PRIM2: variants seen among roughly 807,000 people sequenced by gnomAD.
PRIM2 encodes the protein DNA primase subunit 2.
A neutral mutation model predicts 67.3 loss-of-function variants in PRIM2; 39 were observed. The observed-to-expected ratio is 0.58, with a 90% CI of 0.45 to 0.76. The LOEUF is 0.76. PRIM2 is among the 30% of genes least tolerant of loss of function. The pLI is 0.00. For synonymous variants in PRIM2, 143 were observed against 198.7 expected, an observed-to-expected ratio of 0.72 and a Z score of 2.36; for missense variants, 398 against 598.7, an observed-to-expected ratio of 0.66 and a Z score of 3.50.
intron 10 of PRIM2, among the ~76,000 whole-genome samples, chr6:57,594,334 G>T (rs1451527714): frequency 1.3e-5 from 2 of 152,132 alleles, no homozygotes; most frequent in Non-Finnish European, 2.9e-5. Flanking sequence ...AATTTATATG[G>T]AAATGCAAGG....
At chr6:57,312,376 C>A (rs1767406934), upstream of PRIM2, among the ~76,000 whole-genome samples, 4 of 151,932 alleles carry the variant, frequency 2.6e-5, no homozygotes, top group Admixed American at 1.3e-4. Flanking sequence ...GTGGCATGTG[C>A]CTGCAGTCCT....
At chr6:57,447,928 C>A (rs994283745) in intron 7 of PRIM2, among the ~76,000 whole-genome samples, 4 of 151,982 alleles carry the variant, frequency 2.6e-5, no homozygotes, top group African/African-American at 9.7e-5. Context: ...TGGTATTATC[C>A]TAATAGAGAG....
At chr6:57,406,122 C>G (rs1365096001) in intron 7 of PRIM2, among the ~76,000 whole-genome samples, 1 of 152,152 alleles carries the variant, frequency 6.6e-6, no homozygotes, top group African/African-American at 2.4e-5. Context: ...TTGCAAGGCT[C>G]TCTCTTAGAT....
intron 10 of PRIM2, among the ~76,000 whole-genome samples, chr6:57,539,566 T>TTG (rs1175516387): frequency 0.15 from 21,712 of 147,350 alleles, 1,762 homozygotes; most frequent in Non-Finnish European, 0.19. Context: ...ATTATATTCT[T>TTG]TGTGTGTGTG....
In PRIM2 at chr6:57,519,049, G is replaced by A. The variant is rs1319156167; in HGVS notation, c.761+11595G>A. ...CAGTAGGTTCCGTGATGCCCCACAA[G>A]CCACAAAAACCAGCAAGTTTTTATT... On this transcript the variant is annotated intron_variant, in intron 8 of 13. Transcript: ENST00000615550. 2.6e-4 allele frequency among the ~76,000 whole-genome samples: 40 copies of A among 152,290 alleles called. 1 individual carries two copies. The East Asian group carries it at 6.0e-3, about 23-fold the overall frequency.
the PRIM2 span, among the ~76,000 whole-genome samples, chr6:57,240,089 C>CTGGTTTTTTTTT: frequency 1.1e-5 from 1 of 92,074 alleles, no homozygotes; most frequent in Admixed American, 1.5e-4. Flanking sequence ...GATCAATAAT[C>CTGGTTTTTTTTT]TGTTTTTTTT....
intron 13 of PRIM2, among the ~76,000 whole-genome samples, chr6:57,641,931 C>T (rs1333101864): frequency 3.9e-5 from 6 of 152,120 alleles, no homozygotes; most frequent in Non-Finnish European, 8.8e-5. Context: ...CACATGCACA[C>T]GTATGTTTAT....
the PRIM2 span, among the ~76,000 whole-genome samples, chr6:57,249,271 T>C: frequency 6.6e-6 from 1 of 152,236 alleles, no homozygotes; most frequent in Non-Finnish European, 1.5e-5. Context: ...TGAGCAATTT[T>C]TCTTTATTAT....
At position 57,371,683 on chromosome 6, in the gene PRIM2, T is replaced by A. The variant is rs547016309; in HGVS notation, c.460-8218T>A. Among the ~76,000 whole-genome samples, 5 of 152,360 alleles carry A rather than the reference T, an allele frequency of 3.3e-5. No individual in the cohort carries two copies. In the East Asian group the frequency reaches 7.7e-4, roughly 23 times the overall value. On this transcript the variant is annotated intron_variant, in intron 5 of 13. Coordinates refer to ENST00000615550, the MANE Select transcript of PRIM2 (RefSeq NM_000947.5). ...ACTGGGAAAATTTGAAATATATTTT[T>A]ATATTTAGGTTGGATGCTTACTTAA...
At chr6:57,572,589 G>T (rs1313718134) in intron 10 of PRIM2, among the ~76,000 whole-genome samples, 1 of 152,132 alleles carries the variant, frequency 6.6e-6, no homozygotes, top group Non-Finnish European at 1.5e-5. Context: ...ATGCAATTTT[G>T]TGTGCATACC....
At chr6:57,229,611 C>T in the PRIM2 span, among the ~76,000 whole-genome samples, 6 of 152,046 alleles carry the variant, frequency 3.9e-5, no homozygotes, top group Non-Finnish European at 5.9e-5. Flanking sequence ...CCTTAGCCTC[C>T]CGGGTAGCTG....
intron 10 of PRIM2, among the ~76,000 whole-genome samples, chr6:57,560,501 G>C (rs1775605376): frequency 6.6e-6 from 1 of 151,472 alleles, no homozygotes; most frequent in East Asian, 1.9e-4. Context: ...ATTTAGAATG[G>C]TGAATTCTTT....
Position 57,387,709 on chromosome 6 carries a change from T to C in PRIM2, c.693+5541T>C, listed in dbSNP as rs1770198330. 3.3e-5 allele frequency among the ~76,000 whole-genome samples: 5 copies of C among 151,792 alleles called. No individual in the cohort carries two copies. In the South Asian group the frequency reaches 1.0e-3, roughly 32 times the overall value. On this transcript the variant is annotated intron_variant, in intron 7 of 13. Coordinates refer to ENST00000615550, the MANE Select transcript of PRIM2 (RefSeq NM_000947.5). ...GTTAGGGAAAAGAATGAGGGAAAGA[T>C]AGATTTTTTTTGCTTCATATGGCAA...
rs1399182496 is a variant in PRIM2 at position 57,597,460 on chromosome 6, A to C, written c.1021-3633A>C. On this transcript the variant is annotated intron_variant, in intron 10 of 13. Coordinates refer to ENST00000615550, the MANE Select transcript of PRIM2 (RefSeq NM_000947.5). ...TTTGCAGTAGCATAGTCAGTGTTTAAACTAGGACACCAAATATTTTCCATT... is the reference window on the plus strand; with the variant it reads ...TTTGCAGTAGCATAGTCAGTGTTTACACTAGGACACCAAATATTTTCCATT... 4.7e-5 allele frequency among the ~76,000 whole-genome samples: 7 copies of C among 149,270 alleles called. 1 individual carries two copies. The highest frequency in any genetic ancestry group is 1.7e-4 in the African/African-American group (7 of 40,442).
At chr6:57,369,722 T>C (rs1299606961) in intron 5 of PRIM2, among the ~76,000 whole-genome samples, 5 of 152,218 alleles carry the variant, frequency 3.3e-5, no homozygotes, top group Middle Eastern at 3.2e-3. Flanking sequence ...ACACCTTGAT[T>C]ATAAGATGTT....
chr6:57,358,363 C>A (rs960134187), intron 5 of PRIM2, among the ~76,000 whole-genome samples: 8 of 152,102 alleles, frequency 5.3e-5, no homozygotes, highest in Non-Finnish European at 7.4e-5. Flanking sequence ...TTGGTAGATG[C>A]TGGAGAACAG....
At chr6:57,231,708 C>G in the PRIM2 span, among the ~76,000 whole-genome samples, 1 of 152,030 alleles carries the variant, frequency 6.6e-6, no homozygotes, top group Non-Finnish European at 1.5e-5. Context: ...TTTGTTGGAA[C>G]GTAAATGGAA....
At chr6:57,316,962 C>T (rs1179443212), upstream of PRIM2, among the ~76,000 whole-genome samples, 1 of 152,232 alleles carries the variant, frequency 6.6e-6, no homozygotes, top group Non-Finnish European at 1.5e-5. Flanking sequence ...CTGCGCGCTT[C>T]CTCTGTGCGA....
At chr6:57,533,146 A>G (rs1464546215) in intron 9 of PRIM2, among the ~76,000 whole-genome samples, 51 of 152,056 alleles carry the variant, frequency 3.4e-4, no homozygotes, top group Admixed American at 3.2e-3. Flanking sequence ...TCAGGGGGAG[A>G]GGACAATTCA....
Sources: allele counts gnomAD v4.1 joint callset (sites outside exome capture counted in the v4.1 genomes callset), GRCh38; gene constraint gnomAD v4.1.1; transcripts MANE v1.5; gene names NCBI Gene and HGNC (gene_info 2026-07-23, HGNC 2026-07-21).